The following ETFBKMT variants were observed in gnomAD, a reference collection of about 807,000 sequenced individuals.
ETFBKMT encodes the protein electron transfer flavoprotein subunit beta lysine methyltransferase.
A neutral mutation model predicts 18.3 loss-of-function variants in ETFBKMT; 13 were observed. The ratio of observed to expected loss-of-function variants is 0.71; its 90% confidence interval spans 0.46 to 1.13. ETFBKMT has a LOEUF of 1.13. Among genes scored for constraint, ETFBKMT ranks in the 50% most tolerant of loss-of-function variants. The pLI is 0.00. For synonymous variants in ETFBKMT, 84 were observed against 107.9 expected (o/e 0.78, Z 1.37); for missense variants, 293 against 306.2 (o/e 0.96, Z 0.32).
At chr12:31,660,602 G>C (rs943920118) in intron 1 of ETFBKMT, among the ~76,000 whole-genome samples, 35 of 151,988 alleles carry the variant, frequency 2.3e-4, no homozygotes, top group African/African-American at 8.5e-4. Context: ...TTCAGTTTAG[G>C]CTTGGTAAAA....
rs1951305981 is a variant in ETFBKMT at position 31,672,649 on chromosome 12, C to T, written c.*4659C>T. The T allele has an allele frequency of 3.2e-6, 1 of 311,458 alleles. No individual in the cohort carries two copies. The highest frequency in any genetic ancestry group is 2.2e-5 in the African/African-American group (1 of 46,228). The allele number at this position is 311,458 out of a possible 1,614,324, so 19.3% of individuals were successfully genotyped here. A position where few individuals can be genotyped will look rare whatever the true frequency, so the allele number is the denominator to read the frequency against. On this transcript the variant is annotated 3_prime_UTR_variant, in exon 4 of 4. Coordinates refer to ENST00000357721, the MANE Select transcript of ETFBKMT (RefSeq NM_001135863.2). ...TCTCTGTAATTTCATCATAATTCCA[C>T]CAACCAGAGTAATGGTCTAATTTCA...
At chr12:31,660,535 T>A (rs1470432068) in intron 1 of ETFBKMT, among the ~76,000 whole-genome samples, 15 of 152,164 alleles carry the variant, frequency 9.9e-5, no homozygotes, top group Admixed American at 9.8e-4. Context: ...ATATATATAT[T>A]TTTAAACAAA....
chr12:31,654,267 C>G (rs149504350), upstream of ETFBKMT, among the ~76,000 whole-genome samples: 5,407 of 152,256 alleles, frequency 0.036, 142 homozygotes, highest in South Asian at 0.072. Context: ...CCAGGCTGTT[C>G]TTGAACTCCT....
At chr12:31,651,306 C>CT (rs1951015637) in intron 1 of ETFBKMT, among the ~76,000 whole-genome samples, 2 of 76,138 alleles carry the variant, frequency 2.6e-5, no homozygotes, top group Admixed American at 3.5e-4. Context: ...AGATGCCTTC[C>CT]CTTTTTTTTT....
upstream of ETFBKMT, among the ~76,000 whole-genome samples, chr12:31,655,124 A>G (rs1006727458): frequency 6.6e-6 from 1 of 151,588 alleles, no homozygotes; most frequent in African/African-American, 2.4e-5. Flanking sequence ...GAAGAACTGG[A>G]GGGAGGAATT....
At chr12:31,660,697 G>C (rs1222847165) in intron 1 of ETFBKMT, 1 of 152,054 alleles carries the variant, frequency 6.6e-6, no homozygotes, top group African/African-American at 2.4e-5. Context: ...ATTTTTAAAG[G>C]AAAAAACCTG....
chr12:31,672,342 G>A lies in ETFBKMT; in HGVS notation c.*4352G>A. 1 of 1,578,904 alleles carries A rather than the reference G, an allele frequency of 6.3e-7. No individual in the cohort carries two copies. Among genetic ancestry groups the A allele is most frequent in the South Asian group, 1.2e-5 (1 of 86,316 alleles). Reference sequence around the variant, plus strand: ...CATGTCACTTGCTTTAGTTTGTTTGGGCCTACTAATTGCTCCAACACTTCT... The same window carrying A: ...CATGTCACTTGCTTTAGTTTGTTTGAGCCTACTAATTGCTCCAACACTTCT... On this transcript the variant is annotated 3_prime_UTR_variant, in exon 4 of 4. Transcript: ENST00000357721.
chr12:31,652,794 C>T (rs193199344), intron 1 of ETFBKMT, among the ~76,000 whole-genome samples: 113 of 152,180 alleles, frequency 7.4e-4, no homozygotes, highest in Non-Finnish European at 1.3e-3. Context: ...GGAGTGTGCA[C>T]GTGTGTGTGA....
chr12:31,647,950 C>T (rs964848880), intron 1 of ETFBKMT, among the ~76,000 whole-genome samples: 2 of 152,160 alleles, frequency 1.3e-5, no homozygotes, highest in Non-Finnish European at 2.9e-5. Context: ...CTTTGGAAGA[C>T]AGTCTGGCAA....
rs147496933 is a variant in ETFBKMT, at chr12:31,661,990, C to G, written c.37C>G (p.His13Asp). Residue 13 changes from histidine (H) to aspartate (D), a missense_variant, in exon 2 of 4, where the codon CAC (histidine) becomes GAC (aspartate). By Grantham distance (81) the His-to-Asp change is moderately conservative (BLOSUM62 -1). Transcript: ENST00000357721. The stretch of plus-strand genomic sequence containing the variant: ...TCTAGGTTGGAAAGCACACAGGAAC[C>G]ACTGTGGTCTCCTCTTGCAGGCTCT... Reference protein sequence around the residue: ...LSLGWKAHRNHCGLLLQALRS... With the variant: ...LSLGWKAHRNDCGLLLQALRS... The G allele has an allele frequency of 1.2e-6, 2 of 1,614,050 alleles. No homozygotes were observed. Among genetic ancestry groups the G allele is most frequent in the African/African-American group, 2.7e-5 (2 of 74,914 alleles).
intron 1 of ETFBKMT, 71 bp from the exon 2 acceptor site, chr12:31,661,767 CTTA>C: frequency 3.3e-6 from 2 of 614,602 alleles, no homozygotes; most frequent in South Asian, 4.2e-5. Flanking sequence ...CCAATATTTT[CTTA>C]TTATGTAATA....
At chr12:31,649,997 T>TCCA (rs375675642) in intron 1 of ETFBKMT, among the ~76,000 whole-genome samples, 1 of 38,424 alleles carries the variant, frequency 2.6e-5, no homozygotes, top group Non-Finnish European at 6.0e-5. Flanking sequence ...CCTCAAGTGA[T>TCCA]CCACCTGCCT....
chr12:31,663,638 A>G (rs190837905), intron 2 of ETFBKMT, among the ~76,000 whole-genome samples: 1 of 152,240 alleles, frequency 6.6e-6, no homozygotes, highest in East Asian at 1.9e-4. Context: ...CATGACACAT[A>G]CAAGTAGCAA....
upstream of ETFBKMT, among the ~76,000 whole-genome samples, chr12:31,658,973 ACT>A (rs1951086251): frequency 1.4e-5 from 2 of 141,688 alleles, no homozygotes; most frequent in African/African-American, 5.3e-5. Context: ...TTTGCTCACC[ACT>A]CTATGCCCGG....
At chr12:31,658,832 T>C (rs771527478), upstream of ETFBKMT, among the ~76,000 whole-genome samples, 8 of 152,058 alleles carry the variant, frequency 5.3e-5, no homozygotes, top group Non-Finnish European at 7.4e-5. Flanking sequence ...GCAAATAAAT[T>C]GCTAGTGAAT....
chr12:31,655,224 C>T (rs1951051646), upstream of ETFBKMT, among the ~76,000 whole-genome samples: 1 of 151,978 alleles, frequency 6.6e-6, no homozygotes, highest in Non-Finnish European at 1.5e-5. Context: ...CTCTCAAAAC[C>T]CCCAAACTCA....
chr12:31,661,748 C>T (rs1028156020), intron 1 of ETFBKMT, 93 bp from the exon 2 acceptor site: 6 of 542,778 alleles, frequency 1.1e-5, no homozygotes, highest in African/African-American at 1.9e-5. Flanking sequence ...CGTGAGCCAC[C>T]GCGCCCGGCC....
chr12:31,663,013 G>A (rs1247917007), intron 2 of ETFBKMT, among the ~76,000 whole-genome samples: 4 of 152,066 alleles, frequency 2.6e-5, no homozygotes, highest in African/African-American at 4.8e-5. Flanking sequence ...GCTTTAGGAA[G>A]CCAGTGCAGG....
intron 2 of ETFBKMT, 35 bp downstream of exon 2, chr12:31,662,302 A>T: frequency 1.3e-6 from 2 of 1,592,172 alleles, no homozygotes; most frequent in Non-Finnish European, 1.7e-6. Flanking sequence ...GGCGCTACAG[A>T]TCTTTGCTGT....
Sources: gnomAD v4.1 joint callset for allele counts (sites outside exome capture counted in the v4.1 genomes callset) on GRCh38, gnomAD v4.1.1 for gene constraint, MANE v1.5 for transcripts, NCBI Gene and HGNC (gene_info 2026-07-23, HGNC 2026-07-21) for gene names.